MROH9: variants seen among roughly 807,000 people sequenced by gnomAD.
MROH9 encodes maestro heat-like repeat-containing protein family member 9.
Under a neutral mutation model 98.2 loss-of-function variants are expected in MROH9, and 92 were observed. The ratio of observed to expected loss-of-function variants is 0.94; its 90% CI spans 0.79 to 1.11. The LOEUF (loss-of-function observed/expected upper bound fraction) is 1.11, where lower values mean the gene tolerates loss of function less well. Ranked by LOEUF, MROH9 falls within the 50% of genes most tolerant of loss-of-function variation. MROH9 has a pLI of 0.00. For missense variants in MROH9, 1,057 were observed against 1,014.8 expected (o/e 1.04, Z -0.57); for synonymous variants, 397 against 368.9 (o/e 1.08, Z -0.87).
rs3980711 is a variant in MROH9 at position 170,953,728 on chromosome 1, G to GAAAGAAAAGAAAAGA, written c.73-4715_73-4701dup. ...TAAAAGCCATGCAATGTAGATTAGG[G>GAAAGAAAAGAAAAGA]AAAGAAAAGAAAAGAAAAGAAAAGA... On this transcript the variant is annotated intron_variant, in intron 3 of 21. Coordinates refer to ENST00000367759, the MANE Select transcript of MROH9 (RefSeq NM_001163629.2). Among the ~76,000 whole-genome samples the GAAAGAAAAGAAAAGA allele has an allele frequency of 3.9e-3, 552 of 141,960 alleles. 2 individuals are homozygous for GAAAGAAAAGAAAAGA. Among genetic ancestry groups the GAAAGAAAAGAAAAGA allele is most frequent in the African/African-American group, 0.013 (498 of 37,634 alleles). The allele number at this position is 141,960 out of a possible 152,430, so 93.1% of individuals were successfully genotyped here. A position where few individuals can be genotyped will look rare whatever the true frequency, so the allele number is the denominator to read the frequency against.
At chr1:170,974,303 C>A (rs1180869334) in intron 8 of MROH9, among the ~76,000 whole-genome samples, 1 of 151,992 alleles carries the variant, frequency 6.6e-6, no homozygotes, top group Non-Finnish European at 1.5e-5. Flanking sequence ...TATAAACTCA[C>A]ACACTGAAAA....
At chr1:171,037,581 T>C in intron 20 of MROH9, among the ~76,000 whole-genome samples, 1 of 151,992 alleles carries the variant, frequency 6.6e-6, no homozygotes, top group East Asian at 1.9e-4. Flanking sequence ...AAAATATCCT[T>C]AGGATTTTCT....
chr1:171,063,970 A>T, intron 21 of MROH9, 129 bp from the exon 22 acceptor site: 1 of 916,896 alleles, frequency 1.1e-6, no homozygotes, highest in South Asian at 2.0e-5. Flanking sequence ...TACAAAATGC[A>T]GAGGGAATGC....
At chr1:170,943,399 T>C (rs1471626854) in intron 1 of MROH9, among the ~76,000 whole-genome samples, 1 of 151,508 alleles carries the variant, frequency 6.6e-6, no homozygotes, top group Non-Finnish European at 1.5e-5. Flanking sequence ...ACTTTAGAAA[T>C]GAGATAAAAT....
At chr1:171,051,828 C>T (rs912107962) in intron 20 of MROH9, among the ~76,000 whole-genome samples, 1 of 152,102 alleles carries the variant, frequency 6.6e-6, no homozygotes, top group Admixed American at 6.5e-5. Context: ...CTGTTTTGTA[C>T]CCTTGCCATT....
At position 171,025,359 on chromosome 1, in the gene MROH9, T is replaced by C; in HGVS notation, c.2220T>C (p.Asp740=). Residue 740 remains aspartate, a synonymous_variant, in exon 20 of 22, where the codon GAT becomes GAC. Transcript: ENST00000367759. The part of the protein sequence containing the change: ...HRNYITDLTS[D]TLRFLWSPRT... ...ACTACATTACAGATTTGACATCTGATACCTTACGATTCCTGTGGAGCCCCA... is the reference window on the plus strand; with the variant it reads ...ACTACATTACAGATTTGACATCTGACACCTTACGATTCCTGTGGAGCCCCA... The C allele has an allele frequency of 6.4e-7, 1 of 1,550,478 alleles. No individual in the cohort carries two copies. The highest frequency in any genetic ancestry group is 8.7e-7 in the Non-Finnish European group (1 of 1,146,006).
intron 7 of MROH9, among the ~76,000 whole-genome samples, chr1:170,968,984 G>T (rs4656818): frequency 0.063 from 9,548 of 152,190 alleles, 411 homozygotes; most frequent in Middle Eastern, 0.11. Context: ...CAATGTAAAT[G>T]CTATGAGCTC....
chr1:170,993,779 A>G (rs1258632968), intron 12 of MROH9, among the ~76,000 whole-genome samples: 1 of 152,226 alleles, frequency 6.6e-6, no homozygotes, highest in African/African-American at 2.4e-5. Flanking sequence ...ATCAATGATC[A>G]TAAAAGTTGA....
intron 12 of MROH9, among the ~76,000 whole-genome samples, chr1:170,993,581 T>C (rs1038986606): frequency 6.6e-6 from 1 of 152,144 alleles, no homozygotes; most frequent in Non-Finnish European, 1.5e-5. Context: ...CATAAAAGCA[T>C]GGCACAGAAG....
intron 20 of MROH9, among the ~76,000 whole-genome samples, chr1:171,045,784 G>A (rs911952462): frequency 1.3e-5 from 2 of 152,106 alleles, no homozygotes; most frequent in African/African-American, 4.8e-5. Flanking sequence ...TGAATGAAAT[G>A]TTCCTTAAAT....
intron 3 of MROH9, among the ~76,000 whole-genome samples, chr1:170,948,590 T>C (rs1470293749): frequency 6.6e-6 from 1 of 152,092 alleles, no homozygotes; most frequent in Non-Finnish European, 1.5e-5. Context: ...TGCTATCTTT[T>C]TGAGAAACAA....
At chr1:170,983,587 C>A in intron 9 of MROH9, 53 bp downstream of exon 9, 1 of 1,007,840 alleles carries the variant, frequency 9.9e-7, no homozygotes, top group South Asian at 1.4e-5. Context: ...TATGATTACT[C>A]TTAGTAACAA....
At chr1:170,975,680 C>T (rs1217944270) in intron 8 of MROH9, among the ~76,000 whole-genome samples, 2 of 151,778 alleles carry the variant, frequency 1.3e-5, no homozygotes, top group Non-Finnish European at 2.9e-5. Context: ...AAGAAAATGA[C>T]CTTTTTTGCC....
chr1:171,051,233 A>C (rs1367903570), intron 20 of MROH9, among the ~76,000 whole-genome samples: 1 of 152,188 alleles, frequency 6.6e-6, no homozygotes, highest in Non-Finnish European at 1.5e-5. Flanking sequence ...CAATCTCATT[A>C]CTGGGTATAT....
chr1:170,996,771 G>A (rs1651593505), intron 14 of MROH9, 127 bp downstream of exon 14: 1 of 894,606 alleles, frequency 1.1e-6, no homozygotes, highest in East Asian at 2.6e-5. Context: ...AATGATCTGA[G>A]TTGCTATTTG....
intron 3 of MROH9, among the ~76,000 whole-genome samples, chr1:170,952,435 T>C (rs560073059): frequency 1.2e-3 from 176 of 151,866 alleles, no homozygotes; most frequent in African/African-American, 4.0e-3. Context: ...AAATGATGAG[T>C]TCATGTCCTT....
intron 9 of MROH9, among the ~76,000 whole-genome samples, chr1:170,985,206 A>C (rs1322109319): frequency 1.3e-5 from 2 of 152,200 alleles, no homozygotes; most frequent in African/African-American, 4.8e-5. Flanking sequence ...ATAGAAAGAA[A>C]TAACTCAAAA....
At chr1:171,063,977 A>C in intron 21 of MROH9, 122 bp from the exon 22 acceptor site, 3 of 960,802 alleles carry the variant, frequency 3.1e-6, no homozygotes, top group Non-Finnish European at 4.5e-6. Context: ...TGCAGAGGGA[A>C]TGCAGAGGAG....
Position 170,942,394 on chromosome 1 carries a change from CA to C in MROH9, c.-37-3125del, listed in dbSNP as rs1649155898. 5.9e-5 allele frequency among the ~76,000 whole-genome samples: 9 copies of C among 151,690 alleles called. No individual in the cohort carries two copies. In the South Asian group the frequency reaches 1.0e-3, roughly 18 times the overall value. On this transcript the variant is annotated intron_variant, in intron 1 of 21. Coordinates refer to ENST00000367759, the MANE Select transcript of MROH9 (RefSeq NM_001163629.2). ...ACACACACACACACACACACACACACACACACACACACACACCCTCAGAGAA... is the reference window on the plus strand; with the variant it reads ...ACACACACACACACACACACACACACCACACACACACACACCCTCAGAGAA...
Sources: allele counts gnomAD v4.1 joint callset (sites outside exome capture counted in the v4.1 genomes callset), GRCh38; gene constraint gnomAD v4.1.1; transcripts MANE v1.5; gene names NCBI Gene and HGNC (gene_info 2026-07-23, HGNC 2026-07-21).